IRAK1BP1: variants seen among roughly 807,000 people sequenced by gnomAD.
The protein encoded by IRAK1BP1 is interleukin 1 receptor associated kinase 1 binding protein 1.
A neutral mutation model predicts 28.0 loss-of-function variants in IRAK1BP1; 24 were observed. The ratio of observed to expected loss-of-function variants is 0.86; its 90% confidence interval spans 0.62 to 1.20. The LOEUF (loss-of-function observed/expected upper bound fraction) is 1.20, where lower values mean the gene tolerates loss of function less well. Among genes scored for constraint, IRAK1BP1 ranks in the 50% most tolerant of loss-of-function variants. The pLI is 0.00. For synonymous variants in IRAK1BP1, 131 were observed against 116.3 expected (o/e 1.13, Z -0.81); for missense variants, 336 against 316.7 (o/e 1.06, Z -0.46).
At chr6:78,868,998 A>G (rs1230970717) in intron 1 of IRAK1BP1, among the ~76,000 whole-genome samples, 1 of 152,254 alleles carries the variant, frequency 6.6e-6, no homozygotes, top group Non-Finnish European at 1.5e-5. Flanking sequence ...AATTGCATTT[A>G]TAATACAAAC....
At chr6:78,946,021 G>C in exon 5 of IRAK1BP1, 1 of 1,607,502 alleles carries the variant, frequency 6.2e-7, no homozygotes, top group Non-Finnish European at 8.5e-7. Context: ...TGGTATTGCA[G>C]ATGCATTAGC....
chr6:78,921,252 C>A (rs563879475), intron 4 of IRAK1BP1, among the ~76,000 whole-genome samples: 1 of 152,286 alleles, frequency 6.6e-6, no homozygotes, highest in African/African-American at 2.4e-5. Flanking sequence ...CAACGATCTT[C>A]GCAAACGGCA....
At chr6:78,910,857 C>T (rs1772394051) in intron 4 of IRAK1BP1, among the ~76,000 whole-genome samples, 1 of 152,244 alleles carries the variant, frequency 6.6e-6, no homozygotes, top group African/African-American at 2.4e-5. Flanking sequence ...GCGCTCCGTG[C>T]TGGGACAGCC....
At chr6:78,932,295 C>T (rs546649961) in intron 4 of IRAK1BP1, among the ~76,000 whole-genome samples, 18 of 152,046 alleles carry the variant, frequency 1.2e-4, no homozygotes, top group Non-Finnish European at 2.1e-4. Flanking sequence ...CAATGAATCA[C>T]GAACGTTCTT....
intron 2 of IRAK1BP1, among the ~76,000 whole-genome samples, chr6:78,896,718 G>C (rs975710699): frequency 2.0e-5 from 3 of 151,806 alleles, no homozygotes; most frequent in Non-Finnish European, 2.9e-5. Flanking sequence ...CCAGCTACTC[G>C]GGGGGCTGAG....
At chr6:78,950,084 C>T (rs544659509), downstream of IRAK1BP1, among the ~76,000 whole-genome samples, 13 of 152,246 alleles carry the variant, frequency 8.5e-5, no homozygotes, top group South Asian at 2.1e-3. Flanking sequence ...TACACATTCA[C>T]AGAACAAATG....
chr6:78,955,679 A>T, the IRAK1BP1 span: 1 of 1,005,656 alleles, frequency 9.9e-7, no homozygotes. Context: ...AACAAGTCTG[A>T]TCCCTACATA....
chr6:78,968,227 G>T, the IRAK1BP1 span, among the ~76,000 whole-genome samples: 6 of 152,032 alleles, frequency 3.9e-5, no homozygotes, highest in Non-Finnish European at 7.4e-5. Context: ...CCAAAACCAA[G>T]AAAAATGTTT....
the IRAK1BP1 span, chr6:78,958,638 T>C: frequency 5.0e-6 from 6 of 1,203,784 alleles, no homozygotes; most frequent in Non-Finnish European, 6.1e-6. Context: ...AACTTCCTTA[T>C]ATTTAGAAAT....
At chr6:78,944,824 A>T (rs1168280393) in intron 4 of IRAK1BP1, among the ~76,000 whole-genome samples, 1 of 152,130 alleles carries the variant, frequency 6.6e-6, no homozygotes, top group East Asian at 1.9e-4. Context: ...TTTATTATTT[A>T]CCTTCTTCAT....
At chr6:78,942,082 A>G (rs1232032004) in intron 4 of IRAK1BP1, among the ~76,000 whole-genome samples, 1 of 152,224 alleles carries the variant, frequency 6.6e-6, no homozygotes, top group East Asian at 1.9e-4. Flanking sequence ...GGTGATTTGC[A>G]ATGCTCTATT....
chr6:78,906,745 G>A (rs754277295), downstream of IRAK1BP1, among the ~76,000 whole-genome samples: 113 of 152,098 alleles, frequency 7.4e-4, no homozygotes, highest in Non-Finnish European at 3.2e-4. Flanking sequence ...ACAAAAGGAT[G>A]ATTATACCAG....
intron 4 of IRAK1BP1, among the ~76,000 whole-genome samples, chr6:78,925,111 T>C (rs907915247): frequency 7.2e-5 from 11 of 151,936 alleles, no homozygotes; most frequent in Non-Finnish European, 1.0e-4. Flanking sequence ...TAGGTGGGAA[T>C]TGAACAATGA....
intron 1 of IRAK1BP1, among the ~76,000 whole-genome samples, chr6:78,870,573 A>G (rs1770760996): frequency 6.6e-6 from 1 of 152,222 alleles, no homozygotes; most frequent in South Asian, 2.1e-4. Context: ...TAGATCATAG[A>G]TTTATGAACT....
intron 1 of IRAK1BP1, among the ~76,000 whole-genome samples, chr6:78,870,883 G>T (rs555638260): frequency 6.6e-6 from 1 of 152,030 alleles, no homozygotes; most frequent in South Asian, 2.1e-4. Context: ...GGTAATTTTT[G>T]TATGTTTAGT....
downstream of IRAK1BP1, chr6:78,947,674 G>A (rs1984195): frequency 0.48 from 727,807 of 1,513,588 alleles, 178,591 homozygotes; most frequent in East Asian, 0.67. Context: ...AAATAAGTCT[G>A]ACATCTTTAC....
the IRAK1BP1 span, among the ~76,000 whole-genome samples, chr6:78,972,838 A>G: frequency 6.6e-6 from 1 of 152,220 alleles, no homozygotes; most frequent in African/African-American, 2.4e-5. Context: ...AAAAAACAAT[A>G]AAAAGAAATG....
At chr6:78,932,487 T>C (rs1489966498) in intron 4 of IRAK1BP1, among the ~76,000 whole-genome samples, 1 of 146,374 alleles carries the variant, frequency 6.8e-6, no homozygotes, top group Non-Finnish European at 1.5e-5. Flanking sequence ...AATGGTGCAC[T>C]CTTGGCTCAC....
intron 2 of IRAK1BP1, among the ~76,000 whole-genome samples, chr6:78,893,948 G>A (rs1400751719): frequency 6.6e-6 from 1 of 152,026 alleles, no homozygotes; most frequent in African/African-American, 2.4e-5. Context: ...ATGAACTACA[G>A]GGATTATAAC....
Sources: allele counts gnomAD v4.1 joint callset (sites outside exome capture counted in the v4.1 genomes callset), GRCh38; gene constraint gnomAD v4.1.1; transcripts MANE v1.5; gene names NCBI Gene and HGNC (gene_info 2026-07-23, HGNC 2026-07-21).